The following CHL1 variants were observed in gnomAD, a reference collection of about 807,000 sequenced individuals.
The protein encoded by CHL1 is neural cell adhesion molecule L1-like protein.
A neutral mutation model predicts 141.9 loss-of-function variants in CHL1; 96 were observed. That is an observed-to-expected ratio of 0.68 (90% confidence interval 0.57 to 0.80). The LOEUF is 0.80. Among genes scored for constraint, CHL1 ranks in the 30% least tolerant of loss-of-function variants. The pLI is 0.00. For missense variants in CHL1, 1,820 were observed against 1,457.2 expected (o/e 1.25, Z -4.05); for synonymous variants, 613 against 502.2 (o/e 1.22, Z -2.95).
chr3:223,961 A>C (rs1174906690), intron 1 of CHL1, among the ~76,000 whole-genome samples: 1 of 152,176 alleles, frequency 6.6e-6, no homozygotes, highest in Non-Finnish European at 1.5e-5. Flanking sequence ...GGCCTGCCCA[A>C]ATGCAAGAGT....
At chr3:330,929 G>T (rs1701387068) in intron 5 of CHL1, among the ~76,000 whole-genome samples, 1 of 151,936 alleles carries the variant, frequency 6.6e-6, no homozygotes, top group South Asian at 2.1e-4. Context: ...AAAAATAGTT[G>T]AGGGAATTGG....
chr3:311,160 A>C (rs796942757), intron 2 of CHL1, among the ~76,000 whole-genome samples: 2 of 152,204 alleles, frequency 1.3e-5, no homozygotes, highest in South Asian at 2.1e-4. Context: ...ATTTTGATAA[A>C]TATAAATAAA....
chr3:343,522 C>T (rs1052166868), intron 8 of CHL1, among the ~76,000 whole-genome samples: 8 of 152,148 alleles, frequency 5.3e-5, no homozygotes, highest in South Asian at 4.1e-4. Context: ...CATGTGTCTG[C>T]GTGATCTTTT....
At chr3:229,174 ACTT>A (rs1320743684) in intron 1 of CHL1, among the ~76,000 whole-genome samples, 7 of 152,136 alleles carry the variant, frequency 4.6e-5, no homozygotes, top group Non-Finnish European at 1.0e-4. Flanking sequence ...GTTACATTTC[ACTT>A]CTTATTAATT....
chr3:335,919 T>G (rs887354847), intron 5 of CHL1, among the ~76,000 whole-genome samples: 1 of 152,176 alleles, frequency 6.6e-6, no homozygotes, highest in Non-Finnish European at 1.5e-5. Flanking sequence ...GTGAAAATAT[T>G]TGAGGAGTAG....
rs567797016 is a variant in CHL1 at position 265,768 on chromosome 3, A to G, written c.-95+21076A>G. Among the ~76,000 whole-genome samples the G allele has an allele frequency of 6.0e-4, 92 of 152,248 alleles. 1 individual carries two copies. Among genetic ancestry groups the G allele is most frequent in the Middle Eastern group, 6.8e-3 (2 of 294 alleles). On this transcript the variant is annotated intron_variant, in intron 2 of 27. Coordinates refer to ENST00000256509, the MANE Select transcript of CHL1 (RefSeq NM_006614.4). Reference sequence around the variant, plus strand: ...AAGGTGGAATTTCAAGGTTTTTAAAACTCGATGGTTTTTGTAAGGTGGGAG... The same window carrying G: ...AAGGTGGAATTTCAAGGTTTTTAAAGCTCGATGGTTTTTGTAAGGTGGGAG...
At chr3:236,568 T>C (rs1384347250) in intron 1 of CHL1, among the ~76,000 whole-genome samples, 2 of 152,214 alleles carry the variant, frequency 1.3e-5, no homozygotes. Context: ...CTTTAACATA[T>C]ATGATCTATT....
At position 238,888 on chromosome 3, in the gene CHL1, G is replaced by A. The variant is rs372639956; in HGVS notation, c.-174-5725G>A. Among the ~76,000 whole-genome samples, 11 of 152,154 alleles carry A rather than the reference G, an allele frequency of 7.2e-5. No individual in the cohort carries two copies. The South Asian group carries it at 1.7e-3, about 23-fold the overall frequency. On this transcript the variant is annotated intron_variant, in intron 1 of 27. Transcript: ENST00000256509. ...GCAGAGGTTGCAGTGAGCCAAAATC[G>A]CGCCATTGCACTCCAGCCTGGGTGA...
At chr3:381,887 A>G (rs570844597) in intron 16 of CHL1, among the ~76,000 whole-genome samples, 137 of 152,212 alleles carry the variant, frequency 9.0e-4, no homozygotes, top group African/African-American at 3.2e-3. Context: ...TTCAGTTTCT[A>G]TAGGAGAACC....
chr3:237,122 C>T (rs1250281016), intron 1 of CHL1, among the ~76,000 whole-genome samples: 1 of 152,188 alleles, frequency 6.6e-6, no homozygotes, highest in Non-Finnish European at 1.5e-5. Context: ...TAAATCTTAT[C>T]TCAAATTGTA....
intron 5 of CHL1, among the ~76,000 whole-genome samples, chr3:337,286 GT>G (rs1701957886): frequency 6.7e-6 from 1 of 148,364 alleles, no homozygotes. Context: ...CGCCTCCCGG[GT>G]TCCCGCCATT....
intron 11 of CHL1, among the ~76,000 whole-genome samples, chr3:355,771 GA>G (rs997994326): frequency 1.3e-3 from 203 of 151,854 alleles, no homozygotes; most frequent in African/African-American, 4.6e-3. Context: ...GTGCTTGAAT[GA>G]AAAAAAATGT....
chr3:308,525 T>G (rs888913149), intron 2 of CHL1, among the ~76,000 whole-genome samples: 1 of 150,976 alleles, frequency 6.6e-6, no homozygotes, highest in Non-Finnish European at 1.5e-5. Flanking sequence ...AGACAGCTGA[T>G]AGATAGATAG....
rs760451384 is a variant in CHL1, at chr3:391,162, G to A, written c.2791+3G>A. The A allele has an allele frequency of 1.1e-5, 17 of 1,601,370 alleles. 1 individual carries two copies. The highest frequency in any genetic ancestry group is 7.7e-5 in the South Asian group (7 of 90,800). On this transcript the variant is annotated splice_donor_region_variant and intron_variant, in intron 22 of 27. Coordinates refer to ENST00000256509, the MANE Select transcript of CHL1 (RefSeq NM_006614.4). The stretch of plus-strand genomic sequence containing the variant: ...TATATTTCAAACACCAGAAGGAGGT[G>A]AGAGGATAATGATGTAGAGTCATGT...
At chr3:282,969 A>G (rs1383235339) in intron 2 of CHL1, among the ~76,000 whole-genome samples, 1 of 152,206 alleles carries the variant, frequency 6.6e-6, no homozygotes, top group South Asian at 2.1e-4. Flanking sequence ...GATCCAAGTA[A>G]AAGCCCTGCT....
chr3:398,496 T>A, intron 25 of CHL1, 111 bp downstream of exon 25: 1 of 593,964 alleles, frequency 1.7e-6, no homozygotes, highest in Non-Finnish European at 2.8e-6. Flanking sequence ...GTATTAATTA[T>A]GAAAATCGTA....
At chr3:223,565 T>A (rs575180101) in intron 1 of CHL1, among the ~76,000 whole-genome samples, 2 of 152,332 alleles carry the variant, frequency 1.3e-5, no homozygotes, top group East Asian at 1.9e-4. Context: ...ACTGCAGTTG[T>A]TAATATTAGA....
intron 2 of CHL1, among the ~76,000 whole-genome samples, chr3:266,276 G>C (rs1358497725): frequency 6.6e-6 from 1 of 152,140 alleles, no homozygotes; most frequent in Admixed American, 6.5e-5. Flanking sequence ...AGACCTACAA[G>C]TGGCTCTGAT....
At position 368,567 on chromosome 3, in the gene CHL1, C is replaced by A. The variant is rs1281420334; in HGVS notation, c.1751+2452C>A. ...TGCCTGTTCGCTCTGATGATAGTTT[C>A]TTTTGCTGTGCAGAAGTGCTTTAGT... On this transcript the variant is annotated intron_variant, in intron 15 of 27. Coordinates refer to ENST00000256509, the MANE Select transcript of CHL1 (RefSeq NM_006614.4). Among the ~76,000 whole-genome samples the A allele has an allele frequency of 3.9e-5, 6 of 152,126 alleles. No individual in the cohort carries two copies. The East Asian group carries it at 5.8e-4, about 15-fold the overall frequency.
Sources: allele counts gnomAD v4.1 joint callset (sites outside exome capture counted in the v4.1 genomes callset), GRCh38; gene constraint gnomAD v4.1.1; transcripts MANE v1.5; gene names NCBI Gene and HGNC (gene_info 2026-07-23, HGNC 2026-07-21).